MRPL9: variants seen among roughly 807,000 people sequenced by gnomAD.
MRPL9 encodes the protein large ribosomal subunit protein bL9m.
In MRPL9, 25 loss-of-function variants were observed where a neutral mutation model predicts 27.6. That is an observed-to-expected ratio of 0.91 (90% CI 0.66 to 1.27). MRPL9 has a LOEUF of 1.27. Among genes scored for constraint, MRPL9 ranks in the 50% most tolerant of loss-of-function variants. The pLI is 0.00. For synonymous variants in MRPL9, 154 were observed against 139.0 expected (o/e 1.11, Z -0.76); for missense variants, 362 against 338.0 (o/e 1.07, Z -0.56).
chr1:151,762,234 T>G (rs1648121654), intron 3 of MRPL9, 79 bp from the exon 4 acceptor site: 1 of 1,566,664 alleles, frequency 6.4e-7, no homozygotes, highest in Non-Finnish European at 8.8e-7. Flanking sequence ...ATTCCTATGT[T>G]GGACATTGGC....
intron 6 of MRPL9, 139 bp from the exon 7 acceptor site, chr1:151,760,320 G>A (rs921108747): frequency 5.5e-6 from 6 of 1,086,656 alleles, no homozygotes; most frequent in South Asian, 4.2e-5. Context: ...GCTTATGCCT[G>A]TAATCCCAGC....
At chr1:151,761,007 GGAT>G in intron 5 of MRPL9, 108 bp from the exon 6 acceptor site, 1 of 1,032,522 alleles carries the variant, frequency 9.7e-7, no homozygotes, top group Non-Finnish European at 1.4e-6. Context: ...CCCTGCACAG[GGAT>G]GAATAAAACT....
chr1:151,762,794 G>T, intron 2 of MRPL9, 196 bp downstream of exon 2: 1 of 753,942 alleles, frequency 1.3e-6, no homozygotes, highest in Non-Finnish European at 2.2e-6. Context: ...TGATGTTGCT[G>T]CCTTTATGTT....
At position 151,760,035 on chromosome 1, in the gene MRPL9, G is replaced by A. The variant is rs761775471; in HGVS notation, c.*15C>T. ...GCTCCCGATTCTGCTTTGCTGCCTTGGAGGGAGAGTAGATTTAGATCTGGG... is the reference window on the plus strand; with the variant it reads ...GCTCCCGATTCTGCTTTGCTGCCTTAGAGGGAGAGTAGATTTAGATCTGGG... On this transcript the variant is annotated 3_prime_UTR_variant, in exon 7 of 7. Transcript: ENST00000368830. The A allele has an allele frequency of 4.4e-5, 71 of 1,612,378 alleles. No individual in the cohort carries two copies. The Admixed American group carries it at 7.0e-4, about 16-fold the overall frequency.
Position 151,763,455 on chromosome 1 carries a change from G to A in MRPL9, c.25C>T (p.Pro9Ser), listed in dbSNP as rs1236601640. Residue 9 changes from proline to serine, a missense_variant, in exon 1 of 7, where the codon CCG becomes TCG. By Grantham distance (74) the Pro-to-Ser change is moderately conservative. Coordinates refer to ENST00000368830, the MANE Select transcript of MRPL9 (RefSeq NM_031420.4). ...CCCGCCCGCAGCAGAGCTCTGCCCGGGGCCGTGACAACGGGCGCCGCCATG... is the reference window on the plus strand; with the variant it reads ...CCCGCCCGCAGCAGAGCTCTGCCCGAGGCCGTGACAACGGGCGCCGCCATG... MAAPVVTAPGRALLRAGAG... is the reference protein window; with the variant it reads MAAPVVTASGRALLRAGAG... 2 of 1,574,624 alleles carry A rather than the reference G, an allele frequency of 1.3e-6. No homozygotes were observed. Among genetic ancestry groups the A allele is most frequent in the Non-Finnish European group, 1.7e-6 (2 of 1,160,494 alleles).
intron 2 of MRPL9, 35 bp downstream of exon 2, chr1:151,762,955 C>T (rs758014674): frequency 6.2e-7 from 1 of 1,602,850 alleles, no homozygotes; most frequent in South Asian, 1.1e-5. Flanking sequence ...CAAACCGGAC[C>T]AGCCTGAGAG....
At position 151,760,802 on chromosome 1, in the gene MRPL9, TG is replaced by T. The variant is rs1411741024; in HGVS notation, c.672+13del. The T allele has an allele frequency of 1.3e-6, 2 of 1,550,504 alleles. No individual in the cohort carries two copies. Among genetic ancestry groups the T allele is most frequent in the Non-Finnish European group, 1.7e-6 (2 of 1,158,310 alleles). On this transcript the variant is annotated intron_variant, in intron 6 of 6. Transcript: ENST00000368830. Reference sequence around the variant, plus strand: ...GAGAAAGAAAAGAAAAAAGAAAGTATGCAAAACACTCACCGTCACCTCACAC... The same window carrying T: ...GAGAAAGAAAAGAAAAAAGAAAGTATCAAAACACTCACCGTCACCTCACAC...
chr1:151,760,211 G>A (rs995059137), intron 6 of MRPL9, 30 bp from the exon 7 acceptor site: 7 of 1,613,720 alleles, frequency 4.3e-6, no homozygotes, highest in Non-Finnish European at 5.1e-6. Context: ...AATTCTCAGA[G>A]ATCAGTCAGG....
In MRPL9 at chr1:151,759,729, C is replaced by T. The variant is rs141519657; in HGVS notation, c.*321G>A. On this transcript the variant is annotated 3_prime_UTR_variant, in exon 7 of 7. Transcript: ENST00000368830. Reference sequence around the variant, plus strand: ...ATGAGAATGAGGCAAGTACTGGAGACAATGGCTGGCTCTCCTGTTTGTCCC... The same window carrying T: ...ATGAGAATGAGGCAAGTACTGGAGATAATGGCTGGCTCTCCTGTTTGTCCC... The T allele has an allele frequency of 4.1e-6, 1 of 241,082 alleles. No individual in the cohort carries two copies. The highest frequency in any genetic ancestry group is 2.3e-5 in the African/African-American group (1 of 43,704). 14.9% of individuals were successfully genotyped at this position (241,082 alleles called of 1,614,324 possible).
At position 151,762,966 on chromosome 1, in the gene MRPL9, G is replaced by T. The variant is rs1648174497; in HGVS notation, c.310+24C>A. The T allele has an allele frequency of 6.8e-6, 11 of 1,609,172 alleles. No individual in the cohort carries two copies. In the South Asian group the frequency reaches 1.1e-4, roughly 16 times the overall value. On this transcript the variant is annotated intron_variant, in intron 2 of 6. Transcript: ENST00000368830. ...ATGCCAAACCGGACCAGCCTGAGAG[G>T]AAGCGCCTCGGCCCGGGCCTTACTC... is the stretch of plus-strand genomic sequence containing the variant.
chr1:151,759,775 G>A lies in MRPL9; in HGVS notation c.*275C>T. The stretch of plus-strand genomic sequence containing the variant: ...GTCCCAATAAACTCCAATGGAGGAA[G>A]AAGCTAAACAGGTTTTGGATGGTTT... On this transcript the variant is annotated 3_prime_UTR_variant, in exon 7 of 7. Coordinates refer to ENST00000368830, the MANE Select transcript of MRPL9 (RefSeq NM_031420.4). 3.0e-6 allele frequency: 1 copy of A among 329,234 alleles called. No individual in the cohort carries two copies. The highest frequency in any genetic ancestry group is 6.3e-5 in the South Asian group (1 of 15,762). The allele number at this position is 329,234 out of a possible 1,614,324, so 20.4% of individuals were successfully genotyped here.
At chr1:151,760,599 A>AAAATT (rs1553276864) in intron 6 of MRPL9, among the ~76,000 whole-genome samples, 2 of 149,772 alleles carry the variant, frequency 1.3e-5, no homozygotes, top group East Asian at 3.9e-4. Flanking sequence ...AAAAAAAAAA[A>AAAATT]AATTAGAAAA....
rs746575859 is a variant in MRPL9 at position 151,763,460 on chromosome 1, G to A, written c.20C>T (p.Thr7Met). The change falls in exon 1 of 7, where the codon ACG (threonine) becomes ATG (methionine). Residue 7 changes from threonine to methionine, a missense_variant. Thr to Met is a moderately conservative substitution (Grantham distance 81). Transcript: ENST00000368830. ...CCGCAGCAGAGCTCTGCCCGGGGCC[G>A]TGACAACGGGCGCCGCCATGTTCAC... The part of the protein sequence containing the change: MAAPVV[T>M]APGRALLRAG... The A allele has an allele frequency of 3.2e-6, 5 of 1,574,472 alleles. No individual in the cohort carries two copies. The highest frequency in any genetic ancestry group is 4.3e-6 in the Non-Finnish European group (5 of 1,160,642).
At chr1:151,761,402 G>A in intron 5 of MRPL9, 49 bp downstream of exon 5, 1 of 1,332,212 alleles carries the variant, frequency 7.5e-7, no homozygotes, top group South Asian at 1.2e-5. Context: ...CCTTTCCAGA[G>A]GCAGCTTCCA....
Position 151,762,485 on chromosome 1 carries a change from C to T in MRPL9, c.326G>A (p.Gly109Asp), listed in dbSNP as rs138606324. ...AGATTTCTTCACTGAGACCAGGTCA[C>T]CCCGGACTCCAACATCTGTCAATTA... ...TQSVENVGVR[G>D]DLVSVKKSLG... Residue 109 changes from glycine to aspartate, a missense_variant, in exon 3 of 7, where the codon GGT becomes GAT. By Grantham distance (94) the Gly-to-Asp change is moderately conservative (BLOSUM62 -1). Transcript: ENST00000368830. The T allele has an allele frequency of 1.4e-3, 2,305 of 1,613,980 alleles. 2 individuals carry two copies. The highest frequency in any genetic ancestry group is 1.8e-3 in the Non-Finnish European group (2,091 of 1,179,910).
intron 6 of MRPL9, among the ~76,000 whole-genome samples, chr1:151,760,576 CAAAAAAAAAAA>C (rs11454049): frequency 4.0e-5 from 2 of 50,342 alleles, no homozygotes; most frequent in African/African-American, 8.7e-5. Flanking sequence ...GACTCCAGCT[CAAAAAAAAAAA>C]AAAAAAAAAA....
chr1:151,760,717 G>T, intron 6 of MRPL9, 99 bp downstream of exon 6: 2 of 1,068,840 alleles, frequency 1.9e-6, no homozygotes, highest in Non-Finnish European at 2.6e-6. Flanking sequence ...TCCAGCCTGG[G>T]CAATGAAACA....
rs578019461 is a variant in MRPL9 at position 151,761,636 on chromosome 1, C to G, written c.487-84G>C. The G allele has an allele frequency of 2.1e-5, 22 of 1,026,612 alleles. No individual in the cohort carries two copies. The East Asian group carries it at 2.2e-4, about 10-fold the overall frequency. The allele number at this position is 1,026,612 out of a possible 1,614,324, so 63.6% of individuals were successfully genotyped here. A position where few individuals can be genotyped will look rare whatever the true frequency, so the allele number is the denominator to read the frequency against. On this transcript the variant is annotated intron_variant, in intron 4 of 6. Coordinates refer to ENST00000368830, the MANE Select transcript of MRPL9 (RefSeq NM_031420.4). ...TGCAAGCCAAGCAAGATGGCTCATG[C>G]CTGTAATCCCAGCACTTTGGGAGGC...
At chr1:151,762,698 C>T (rs1571963358) in intron 2 of MRPL9, 198 bp from the exon 3 acceptor site, 1 of 669,632 alleles carries the variant, frequency 1.5e-6, no homozygotes, top group Non-Finnish European at 2.5e-6. Flanking sequence ...ATTTAATATC[C>T]CCTGTATAGA....
Sources: allele counts gnomAD v4.1 joint callset (sites outside exome capture counted in the v4.1 genomes callset), GRCh38; gene constraint gnomAD v4.1.1; transcripts MANE v1.5; gene names NCBI Gene and HGNC (gene_info 2026-07-23, HGNC 2026-07-21).